Variants in CFAP20DC observed in about 807,000 individuals in gnomAD.
CFAP20DC encodes the protein protein CFAP20DC.
In CFAP20DC, 84 loss-of-function variants were observed where a neutral mutation model predicts 101.7. That is an observed-to-expected ratio of 0.83 (90% CI 0.69 to 0.99). The LOEUF (loss-of-function observed/expected upper bound fraction) is 0.99. Ranked by LOEUF, CFAP20DC falls within the 50% of genes least tolerant of loss-of-function variation. The pLI, the probability that CFAP20DC is intolerant of heterozygous loss-of-function variation, is 0.00. For synonymous variants in CFAP20DC, 359 were observed against 351.2 expected (o/e 1.02, Z -0.25); for missense variants, 1,007 against 970.3 (o/e 1.04, Z -0.50).
chr3:59,000,985 G>A (rs897568526), intron 4 of CFAP20DC, among the ~76,000 whole-genome samples: 2 of 151,988 alleles, frequency 1.3e-5, no homozygotes, highest in Non-Finnish European at 2.9e-5. Flanking sequence ...AAGGAAAATG[G>A]ATTTAAATTA....
intron 4 of CFAP20DC, among the ~76,000 whole-genome samples, chr3:59,004,284 G>C (rs1044944964): frequency 1.1e-4 from 16 of 152,100 alleles, no homozygotes; most frequent in Admixed American, 3.9e-4. Context: ...CTGAGGCACA[G>C]GAAGAAGGCT....
In CFAP20DC at chr3:58,717,662, A is replaced by G. The variant is rs1276373557; in HGVS notation, c.198-34T>C. The G allele has an allele frequency of 2.3e-6, 1 of 427,592 alleles. No homozygotes were observed. Among genetic ancestry groups the G allele is most frequent in the Admixed American group, 2.9e-5 (1 of 33,932 alleles). The allele number at this position is 427,592 out of a possible 1,614,324, so 26.5% of individuals were successfully genotyped here. The stretch of plus-strand genomic sequence containing the variant: ...CAGGTAGGAGAAGAGAGAAGAAAAA[A>G]AAAAAAGAAAAAAGGTACATGCCTT... On this transcript the variant is annotated intron_variant, in intron 3 of 3. Transcript: ENST00000486145. The surrounding 1 kb of genome is among the most constrained non-coding windows in gnomAD (Gnocchi z 4.1).
chr3:58,813,054 A>C (rs947291879), intron 14 of CFAP20DC, among the ~76,000 whole-genome samples: 2 of 151,886 alleles, frequency 1.3e-5, no homozygotes, highest in Non-Finnish European at 2.9e-5. Flanking sequence ...TGTAAATATA[A>C]TTTCTATTAC....
At chr3:58,813,437 C>G (rs1171518395) in intron 14 of CFAP20DC, among the ~76,000 whole-genome samples, 1 of 151,864 alleles carries the variant, frequency 6.6e-6, no homozygotes, top group Non-Finnish European at 1.5e-5. Context: ...TTAGAGTTTG[C>G]TATACATGTT....
In CFAP20DC at chr3:58,760,509, A is replaced by G. The variant is rs534229585; in HGVS notation, c.2238-6646T>C. On this transcript the variant is annotated intron_variant, in intron 15 of 16. Transcript: ENST00000482387. The stretch of plus-strand genomic sequence containing the variant: ...GGACAATTTGACTTCCTCTTTTCCT[A>G]ATTGAATACCCTTTATTTCCTTCTC... 9.9e-5 allele frequency among the ~76,000 whole-genome samples: 15 copies of G among 152,154 alleles called. No homozygotes were observed. In the East Asian group the frequency reaches 2.3e-3, roughly 24 times the overall value.
At chr3:59,037,038 T>C (rs1383669990) in intron 4 of CFAP20DC, among the ~76,000 whole-genome samples, 1 of 152,192 alleles carries the variant, frequency 6.6e-6, no homozygotes, top group Admixed American at 6.5e-5. Context: ...GGGAAAGGAT[T>C]CCCTATTTAA....
chr3:58,801,797 T>C (rs1033291697), intron 15 of CFAP20DC, among the ~76,000 whole-genome samples: 1 of 152,192 alleles, frequency 6.6e-6, no homozygotes, highest in African/African-American at 2.4e-5. Context: ...TGGTTATAAG[T>C]GTGTTTATCA....
intron 15 of CFAP20DC, among the ~76,000 whole-genome samples, chr3:58,771,093 C>A (rs918743522): frequency 1.3e-5 from 2 of 152,106 alleles, no homozygotes; most frequent in Non-Finnish European, 2.9e-5. Context: ...GAGTTCATGT[C>A]CTTTGCAGGG....
At chr3:58,976,563 T>C (rs1198198284) in intron 4 of CFAP20DC, among the ~76,000 whole-genome samples, 1 of 152,174 alleles carries the variant, frequency 6.6e-6, no homozygotes, top group Non-Finnish European at 1.5e-5. Flanking sequence ...ACTTACACTA[T>C]TTGCAAAACT....
At position 58,900,475 on chromosome 3, in the gene CFAP20DC, T is replaced by C. The variant is rs532274528; in HGVS notation, c.550+13233A>G. On this transcript the variant is annotated intron_variant, in intron 6 of 16. Coordinates refer to ENST00000482387, the MANE Select transcript of CFAP20DC (RefSeq NM_001394063.1). The stretch of plus-strand genomic sequence containing the variant: ...TGGCAAATAACAAATCAATCAGATA[T>C]TAAGGGACCAGGGCCTGTCTGCATT... Among the ~76,000 whole-genome samples the C allele has an allele frequency of 2.0e-5, 3 of 152,310 alleles. No homozygotes were observed. In the East Asian group the frequency reaches 5.8e-4, roughly 29 times the overall value.
chr3:58,883,785 A>G (rs2081394835), intron 7 of CFAP20DC, among the ~76,000 whole-genome samples: 1 of 152,198 alleles, frequency 6.6e-6, no homozygotes, highest in Non-Finnish European at 1.5e-5. Context: ...GGGCATAGAC[A>G]TCAGAAAAAA....
chr3:58,818,898 T>A (rs1419551930), intron 14 of CFAP20DC, among the ~76,000 whole-genome samples: 1 of 140,654 alleles, frequency 7.1e-6, no homozygotes, highest in Non-Finnish European at 1.5e-5. Context: ...GAAGTAAAGC[T>A]CTCCTCAGCA....
intron 4 of CFAP20DC, among the ~76,000 whole-genome samples, chr3:59,024,101 T>C (rs905285602): frequency 6.6e-6 from 1 of 152,148 alleles, no homozygotes; most frequent in African/African-American, 2.4e-5. Flanking sequence ...ATTCTAAATG[T>C]ATTACTACCT....
At chr3:58,793,392 G>A (rs2073005735) in intron 15 of CFAP20DC, among the ~76,000 whole-genome samples, 1 of 152,106 alleles carries the variant, frequency 6.6e-6, no homozygotes, top group African/African-American at 2.4e-5. Flanking sequence ...AATGTCACAT[G>A]GCTGGTTGTT....
intron 14 of CFAP20DC, among the ~76,000 whole-genome samples, chr3:58,831,063 T>G (rs2076361293): frequency 6.6e-6 from 1 of 152,190 alleles, no homozygotes; most frequent in South Asian, 2.1e-4. Flanking sequence ...GGCTTTAGTT[T>G]CTTCACCTGA....
intron 5 of CFAP20DC, among the ~76,000 whole-genome samples, chr3:58,929,582 T>A (rs867229278): frequency 8.5e-5 from 13 of 152,256 alleles, no homozygotes; most frequent in African/African-American, 2.7e-4. Flanking sequence ...CATTTATGGA[T>A]ATTTAATATT....
chr3:59,021,283 T>C lies in CFAP20DC; in HGVS notation c.278+18274A>G, dbSNP rs867323773. The stretch of plus-strand genomic sequence containing the variant: ...TAGGATTCCAGGTAAATAAAGTACA[T>C]GACCTAGGACAAGAGTGGCATCGAA... On this transcript the variant is annotated intron_variant, in intron 4 of 16. Coordinates refer to ENST00000482387, the MANE Select transcript of CFAP20DC (RefSeq NM_001394063.1). Among the ~76,000 whole-genome samples, 10 of 152,196 alleles carry C rather than the reference T, an allele frequency of 6.6e-5. No individual in the cohort carries two copies. In the South Asian group the frequency reaches 1.0e-3, roughly 16 times the overall value.
intron 15 of CFAP20DC, among the ~76,000 whole-genome samples, chr3:58,770,545 G>A (rs888602890): frequency 2.0e-5 from 3 of 152,174 alleles, no homozygotes; most frequent in African/African-American, 7.2e-5. Flanking sequence ...TATTCCTGAA[G>A]GATGAGAATG....
chr3:58,996,018 C>CTATG (rs2093118631), intron 4 of CFAP20DC, among the ~76,000 whole-genome samples: 1 of 150,344 alleles, frequency 6.7e-6, no homozygotes, highest in Non-Finnish European at 1.5e-5. Context: ...ATCTATCTAT[C>CTATG]TATCTATTGT....
Sources: gnomAD v4.1 joint callset for allele counts (sites outside exome capture counted in the v4.1 genomes callset) on GRCh38, gnomAD v4.1.1 for gene constraint, Gnocchi (gnomAD v3.1) non-coding constraint, MANE v1.5 for transcripts, NCBI Gene and HGNC (gene_info 2026-07-23, HGNC 2026-07-21) for gene names.